Variants in ANKRD36 observed in about 807,000 individuals in gnomAD.
ANKRD36 encodes the protein ankyrin repeat domain 36.
In ANKRD36, 179 loss-of-function variants were observed where a neutral mutation model predicts 278.1. That is an observed-to-expected ratio of 0.64 (90% CI 0.57 to 0.73). The LOEUF is 0.73. Among genes scored for constraint, ANKRD36 ranks in the 30% least tolerant of loss-of-function variants. ANKRD36 has a pLI of 0.00. For missense variants in ANKRD36, 1,159 were observed against 1,956.7 expected (o/e 0.59, Z 7.69); for synonymous variants, 320 against 641.1 (o/e 0.50, Z 7.57).
intron 38 of ANKRD36, 121 bp from the exon 39 acceptor site, chr2:97,194,605 G>A: frequency 6.5e-7 from 1 of 1,545,752 alleles, no homozygotes; most frequent in Non-Finnish European, 8.8e-7. Context: ...GAAAGTAGAA[G>A]CCATCAAAGC....
At chr2:97,185,104 A>G (rs981653922) in intron 28 of ANKRD36, among the ~76,000 whole-genome samples, 1 of 151,730 alleles carries the variant, frequency 6.6e-6, no homozygotes, top group African/African-American at 2.4e-5. Flanking sequence ...GAAAAATCAT[A>G]CCATGATTGA....
chr2:97,205,780 T>C lies in ANKRD36; in HGVS notation c.3062-160T>C, dbSNP rs569124759. Among the ~76,000 whole-genome samples the C allele has an allele frequency of 1.5e-4, 22 of 151,664 alleles. 2 individuals are homozygous for C. In the South Asian group the frequency reaches 4.4e-3, roughly 30 times the overall value. ...GAGCCTGTATTCCCTTTTCTCAGTG[T>C]ATTTGTGTCATTTTCTAGTCCCCAG... On this transcript the variant is annotated intron_variant, in intron 50 of 75. Coordinates refer to ENST00000420699, the MANE Select transcript of ANKRD36 (RefSeq NM_001354587.1).
At position 97,200,438 on chromosome 2, in the gene ANKRD36, T is replaced by C. The variant is rs2061031824; in HGVS notation, c.2785-15T>C. ...AACATACCTTATTTATTACTTTGTT[T>C]CAAATTCCATTCAGGCCACAAGTGA... On this transcript the variant is annotated splice_polypyrimidine_tract_variant and intron_variant, in intron 45 of 75. Coordinates refer to ENST00000420699, the MANE Select transcript of ANKRD36 (RefSeq NM_001354587.1). 3 of 1,598,224 alleles carry C rather than the reference T, an allele frequency of 1.9e-6. No individual in the cohort carries two copies. Among genetic ancestry groups the C allele is most frequent in the East Asian group, 2.3e-5 (1 of 44,256 alleles).
chr2:97,127,347 A>G (rs2038891458), intron 6 of ANKRD36, among the ~76,000 whole-genome samples: 1 of 151,904 alleles, frequency 6.6e-6, no homozygotes, highest in Non-Finnish European at 1.5e-5. Context: ...TTATTATTTA[A>G]TTATGGTTCC....
At chr2:97,242,637 C>T (rs1460771487) in intron 69 of ANKRD36, among the ~76,000 whole-genome samples, 2 of 143,438 alleles carry the variant, frequency 1.4e-5, no homozygotes, top group African/African-American at 2.7e-5. Context: ...ATAAAGACAT[C>T]GAAAATGCTA....
At chr2:97,153,738 G>T (rs1015424244) in intron 14 of ANKRD36, among the ~76,000 whole-genome samples, 2 of 147,752 alleles carry the variant, frequency 1.4e-5, no homozygotes. Flanking sequence ...AATGAAAGTG[G>T]ATAAGAATGG....
At chr2:97,152,297 T>G (rs370604685) in intron 13 of ANKRD36, among the ~76,000 whole-genome samples, 2 of 134,972 alleles carry the variant, frequency 1.5e-5, no homozygotes, top group African/African-American at 2.6e-5. Flanking sequence ...CAGGCCTTGT[T>G]GATTATTATT....
rs777547473 is a variant in ANKRD36, at chr2:97,200,338, T to G, written c.2760T>G (p.Ser920=). The G allele has an allele frequency of 1.9e-6, 3 of 1,607,036 alleles. No individual in the cohort carries two copies. The African/African-American group carries it at 4.0e-5, about 22-fold the overall frequency. ...KKDGEKTKRV[S]SRKKPSLEAT... Reference sequence around the variant, plus strand: ...TGTATCCCTTTTGCTTTTCAGTGTCTTCTCGGAAAAAACCATCCTTGGAGG... The same window carrying G: ...TGTATCCCTTTTGCTTTTCAGTGTCGTCTCGGAAAAAACCATCCTTGGAGG... The change falls in exon 45 of 76, where the codon TCT becomes TCG. Residue 920 remains serine (S), a synonymous_variant. Transcript: ENST00000420699.
At chr2:97,193,976 T>G (rs754316594) in intron 38 of ANKRD36, among the ~76,000 whole-genome samples, 8 of 151,684 alleles carry the variant, frequency 5.3e-5, no homozygotes, top group Non-Finnish European at 1.0e-4. Flanking sequence ...CTGAGTAATA[T>G]CTAATGCTTG....
intron 48 of ANKRD36, 90 bp from the exon 49 acceptor site, chr2:97,203,978 G>A (rs1301550518): frequency 2.0e-6 from 3 of 1,515,954 alleles, no homozygotes; most frequent in Non-Finnish European, 2.7e-6. Flanking sequence ...ACAGGCAGGA[G>A]GACAGAGGCT....
intron 75 of ANKRD36, among the ~76,000 whole-genome samples, chr2:97,260,812 T>C (rs1438578683): frequency 1.9e-5 from 2 of 104,072 alleles, no homozygotes; most frequent in African/African-American, 5.1e-5. Flanking sequence ...AGCTAGATCT[T>C]CTGGATAACT....
chr2:97,187,493 G>GGGGT, intron 32 of ANKRD36, 92 bp downstream of exon 32: 1 of 290,678 alleles, frequency 3.4e-6, no homozygotes, highest in Admixed American at 5.0e-5. Context: ...CGGGTGGGGG[G>GGGGT]GCTCGCCGAA....
chr2:97,145,991 T>G (rs2044141891), intron 10 of ANKRD36, among the ~76,000 whole-genome samples: 1 of 152,072 alleles, frequency 6.6e-6, no homozygotes, highest in African/African-American at 2.4e-5. Context: ...TGTAGTATAA[T>G]TGTTTAAATC....
At chr2:97,114,215 G>T (rs1393552090) in intron 1 of ANKRD36, among the ~76,000 whole-genome samples, 3 of 116,318 alleles carry the variant, frequency 2.6e-5, no homozygotes, top group Middle Eastern at 8.1e-3. Context: ...TGAAGGCTTG[G>T]GGGGTAGGGG....
At chr2:97,201,455 TG>T (rs1371720462) in intron 46 of ANKRD36, among the ~76,000 whole-genome samples, 30 of 152,074 alleles carry the variant, frequency 2.0e-4, no homozygotes, top group Admixed American at 1.4e-3. Context: ...TAATATCTAA[TG>T]GTTGTGGCAG....
chr2:97,176,008 G>C (rs890321930), intron 22 of ANKRD36, among the ~76,000 whole-genome samples: 13 of 151,802 alleles, frequency 8.6e-5, no homozygotes, highest in African/African-American at 2.2e-4. Flanking sequence ...TATAATTTCT[G>C]TTCTTTTACA....
Position 97,181,615 on chromosome 2 carries a change from C to G in ANKRD36, c.1753C>G (p.Pro585Ala). The G allele has an allele frequency of 1.2e-6, 2 of 1,602,638 alleles. No homozygotes were observed. Among genetic ancestry groups the G allele is most frequent in the South Asian group, 1.1e-5 (1 of 90,606 alleles). ...CTTTTCAGTGTCTTCTCAGAAACAA[C>G]CAGCTGAGAAGGTAATTAAAGTCTC... is the stretch of plus-strand genomic sequence containing the variant. ...ISGTVSSQKQ[P>A]AEKATSDEKD... Residue 585 changes from proline (P) to alanine (A), a missense_variant, in exon 25 of 76, where the codon CCA becomes GCA. Transcript: ENST00000420699.
chr2:97,180,624 G>GT (rs1400623007), intron 24 of ANKRD36, among the ~76,000 whole-genome samples: 1 of 151,604 alleles, frequency 6.6e-6, no homozygotes, highest in Admixed American at 6.6e-5. Context: ...AGGGACACAT[G>GT]TTTTGTTGAC....
chr2:97,235,346 T>C (rs1220832705), intron 68 of ANKRD36, among the ~76,000 whole-genome samples: 1 of 149,976 alleles, frequency 6.7e-6, no homozygotes, highest in Non-Finnish European at 1.5e-5. Context: ...ATTTCTGGAC[T>C]GTCTGTTGAA....
Sources: gnomAD v4.1 joint callset for allele counts (sites outside exome capture counted in the v4.1 genomes callset) on GRCh38, gnomAD v4.1.1 for gene constraint, MANE v1.5 for transcripts, NCBI Gene and HGNC (gene_info 2026-07-23, HGNC 2026-07-21) for gene names.